Variants in HTR1D observed in about 807,000 individuals in gnomAD.
The protein encoded by HTR1D is 5-HT-1D.
A neutral mutation model predicts 21.1 loss-of-function variants in HTR1D; 18 were observed. The ratio of observed to expected loss-of-function variants is 0.85; its 90% CI spans 0.59 to 1.27. The LOEUF is 1.27. Among genes scored for constraint, HTR1D ranks in the 50% most tolerant of loss-of-function variants. HTR1D has a pLI of 0.00. For synonymous variants in HTR1D, 196 were observed against 204.4 expected (o/e 0.96, Z 0.35); for missense variants, 456 against 481.4 (o/e 0.95, Z 0.49).
intron 1 of HTR1D, among the ~76,000 whole-genome samples, chr1:23,214,972 G>T (rs1644767552): frequency 6.6e-6 from 1 of 152,102 alleles, no homozygotes; most frequent in Non-Finnish European, 1.5e-5. Context: ...AGGGCCTGGG[G>T]GAGCAGAGCA....
At chr1:23,204,707 C>T (rs1644722987) in intron 1 of HTR1D, among the ~76,000 whole-genome samples, 1 of 152,218 alleles carries the variant, frequency 6.6e-6, no homozygotes, top group Middle Eastern at 3.2e-3. Flanking sequence ...CCTCTAGAGG[C>T]TGTGCATGTT....
At position 23,193,837 on chromosome 1, in the gene HTR1D, T is replaced by A; in HGVS notation, c.383A>T (p.His128Leu). 6.2e-6 allele frequency: 10 copies of A among 1,614,202 alleles called. No homozygotes were observed. The highest frequency in any genetic ancestry group is 5.9e-6 in the Non-Finnish European group (7 of 1,180,022). Residue 128 changes from histidine to leucine, a missense_variant, in exon 2 of 2, where the codon CAT (histidine) becomes CTT (leucine). By Grantham distance (99) the His-to-Leu change is moderately conservative (BLOSUM62 -3). Transcript: ENST00000374619. ...DITCCTASIL[H>L]LCVIALDRYW... The stretch of plus-strand genomic sequence containing the variant: ...CCTGTCCAGAGCAATGACACAGAGA[T>A]GCAGGATGGAGGCTGTGCAGCACGT...
At chr1:23,196,505 C>A (rs767094680) in intron 1 of HTR1D, among the ~76,000 whole-genome samples, 8 of 151,760 alleles carry the variant, frequency 5.3e-5, no homozygotes, top group African/African-American at 1.9e-4. Context: ...CCTCCCACTC[C>A]CCAAATTTGT....
intron 1 of HTR1D, among the ~76,000 whole-genome samples, chr1:23,211,654 T>C (rs566355654): frequency 1.3e-5 from 2 of 151,910 alleles, no homozygotes; most frequent in East Asian, 3.9e-4. Context: ...TGTATGTATG[T>C]ATGTATTTTT....
At chr1:23,198,646 T>G (rs1644698854) in intron 1 of HTR1D, among the ~76,000 whole-genome samples, 1 of 152,136 alleles carries the variant, frequency 6.6e-6, no homozygotes, top group East Asian at 1.9e-4. Flanking sequence ...ATATGGCGTA[T>G]TCCTATGATG....
At chr1:23,206,641 C>T (rs1237966091) in intron 1 of HTR1D, among the ~76,000 whole-genome samples, 1 of 152,154 alleles carries the variant, frequency 6.6e-6, no homozygotes, top group Admixed American at 6.5e-5. Flanking sequence ...CTTCAGTCCC[C>T]TGGCTACCTA....
chr1:23,215,664 C>T (rs61776759), intron 1 of HTR1D, among the ~76,000 whole-genome samples: 20,216 of 152,242 alleles, frequency 0.13, 1,681 homozygotes, highest in South Asian at 0.32. Flanking sequence ...CCAGTGGTCC[C>T]GCCCTCATTA....
At chr1:23,207,243 A>G (rs1488625183) in intron 1 of HTR1D, among the ~76,000 whole-genome samples, 1 of 152,048 alleles carries the variant, frequency 6.6e-6, no homozygotes, top group Non-Finnish European at 1.5e-5. Context: ...ACTAAAAAAA[A>G]ATACAAAAAT....
intron 1 of HTR1D, among the ~76,000 whole-genome samples, chr1:23,199,971 G>A (rs1444841294): frequency 6.6e-6 from 1 of 152,146 alleles, no homozygotes; most frequent in African/African-American, 2.4e-5. Flanking sequence ...CTCCCAAAGT[G>A]CTGGGATTAC....
intron 1 of HTR1D, among the ~76,000 whole-genome samples, 43 bp from the exon 2 acceptor site, chr1:23,195,044 G>T (rs930495065): frequency 6.6e-6 from 1 of 152,156 alleles, no homozygotes; most frequent in Non-Finnish European, 1.5e-5. Flanking sequence ...GGTTCTAGAA[G>T]GACAATGTGG....
Position 23,193,498 on chromosome 1 carries a change from G to A in HTR1D, c.722C>T (p.Thr241Met), listed in dbSNP as rs138622697. 1.8e-4 allele frequency: 289 copies of A among 1,614,072 alleles called. No homozygotes were observed. The highest frequency in any genetic ancestry group is 1.4e-3 in the African/African-American group (106 of 75,066). ...GGCAGAGCCTGTGATGAGGTGGGCC[G>A]TGGTGAAGCGCTTCCCATAGAGTGA... The part of the protein sequence containing the change: ...PPSLYGKRFT[T>M]AHLITGSAGS... Residue 241 changes from threonine (T) to methionine (M), a missense_variant, in exon 2 of 2, where the codon ACG becomes ATG. Thr to Met is a moderately conservative substitution (Grantham distance 81). Coordinates refer to ENST00000374619, the MANE Select transcript of HTR1D (RefSeq NM_000864.5).
Position 23,193,941 on chromosome 1 carries a change from G to C in HTR1D, c.279C>G (p.Pro93=). The stretch of plus-strand genomic sequence containing the variant: ...GGGTGATGGTATAGGCGATGCTGAT[G>C]GGCATTACCAAGATGGAAACCAAGA... ...TDLLVSILVM[P]ISIAYTITHT... Residue 93 remains proline, a synonymous_variant, in exon 2 of 2, where the codon CCC becomes CCG. Transcript: ENST00000374619. 2 of 1,614,192 alleles carry C rather than the reference G, an allele frequency of 1.2e-6. No homozygotes were observed. The highest frequency in any genetic ancestry group is 1.3e-5 in the African/African-American group (1 of 75,042).
Position 23,194,011 on chromosome 1 carries a change from T to G in HTR1D, c.209A>C (p.His70Pro). Reference sequence around the variant, plus strand: ...GCCAATCAGGTAGTTGGCAGGGGTGTGGAGCTTCCTGGTGAGTAAGATGGT... The same window carrying G: ...GCCAATCAGGTAGTTGGCAGGGGTGGGGAGCTTCCTGGTGAGTAAGATGGT... ...LTTILLTRKL[H>P]TPANYLIGSL... The change falls in exon 2 of 2, where the codon CAC (histidine) becomes CCC (proline). Residue 70 changes from histidine to proline, a missense_variant. Physicochemically the swap from His to Pro is moderately conservative, Grantham distance 77. Transcript: ENST00000374619. The G allele has an allele frequency of 6.2e-7, 1 of 1,614,046 alleles. No individual in the cohort carries two copies. Among genetic ancestry groups the G allele is most frequent in the Middle Eastern group, 1.6e-4 (1 of 6,062 alleles).
Position 23,193,037 on chromosome 1 carries a change from G to T in HTR1D, c.*49C>A, listed in dbSNP as rs763199825. 4.3e-6 allele frequency: 5 copies of T among 1,158,564 alleles called. No homozygotes were observed. Among genetic ancestry groups the T allele is most frequent in the South Asian group, 3.2e-5 (2 of 61,718 alleles). 71.8% of individuals were successfully genotyped at this position (1,158,564 alleles called of 1,614,324 possible). On this transcript the variant is annotated 3_prime_UTR_variant, in exon 2 of 2. Transcript: ENST00000374619. ...AATTAAAAAAAAAAAAGACAATCCC[G>T]ATGAGGTTACAGGACACAAAAGATA...
chr1:23,205,143 T>C (rs1284388822), intron 1 of HTR1D, among the ~76,000 whole-genome samples: 1 of 151,100 alleles, frequency 6.6e-6, no homozygotes, highest in Non-Finnish European at 1.5e-5. Context: ...AACTCAGGAA[T>C]GGAAAACCAA....
intron 1 of HTR1D, among the ~76,000 whole-genome samples, chr1:23,195,346 C>A (rs1269246557): frequency 1.3e-5 from 2 of 151,780 alleles, no homozygotes; most frequent in African/African-American, 4.9e-5. Flanking sequence ...AGGAAAGAAA[C>A]CAAATTGTTA....
At chr1:23,197,791 C>T (rs992666179) in intron 1 of HTR1D, among the ~76,000 whole-genome samples, 2 of 151,322 alleles carry the variant, frequency 1.3e-5, no homozygotes, top group Non-Finnish European at 2.9e-5. Flanking sequence ...AATCCCAACA[C>T]TTTGGGAGGC....
chr1:23,194,300 A>G lies in HTR1D; in HGVS notation c.-81T>C. On this transcript the variant is annotated 5_prime_UTR_variant, in exon 2 of 2. An upstream start codon of the reference 5' UTR is lost. Coordinates refer to ENST00000374619, the MANE Select transcript of HTR1D (RefSeq NM_000864.5). The stretch of plus-strand genomic sequence containing the variant: ...GTTGTCCTGACAACAGAGCAAAGTC[A>G]TCCTTCTGCTTCACACTGGTGGGAG... The G allele has an allele frequency of 7.5e-7, 1 of 1,325,332 alleles. No homozygotes were observed. The highest frequency in any genetic ancestry group is 1.1e-6 in the Non-Finnish European group (1 of 952,168). 82.1% of individuals were successfully genotyped at this position (1,325,332 alleles called of 1,614,324 possible). A position where few individuals can be genotyped will look rare whatever the true frequency, so the allele number is the denominator to read the frequency against.
intron 1 of HTR1D, among the ~76,000 whole-genome samples, chr1:23,204,869 G>T (rs1398287360): frequency 1.3e-5 from 2 of 152,174 alleles, no homozygotes; most frequent in Admixed American, 1.3e-4. Flanking sequence ...GCCCAGCTAA[G>T]ATCAGCAGAA....
Sources: gnomAD v4.1 joint callset for allele counts (sites outside exome capture counted in the v4.1 genomes callset) on GRCh38, gnomAD v4.1.1 for gene constraint, MANE v1.5 for transcripts, NCBI Gene and HGNC (gene_info 2026-07-23, HGNC 2026-07-21) for gene names.